Variants in AKAP1 observed in about 807,000 individuals in gnomAD.
The protein encoded by AKAP1 is A-kinase anchor protein 1, mitochondrial.
AKAP1 carries 32 observed loss-of-function variants against 79.8 expected under a neutral mutation model. The ratio of observed to expected loss-of-function variants is 0.40; its 90% CI spans 0.30 to 0.54. The LOEUF (loss-of-function observed/expected upper bound fraction) is 0.54. Among genes scored for constraint, AKAP1 ranks in the 20% least tolerant of loss-of-function variants. AKAP1 has a pLI of 0.47. For synonymous variants in AKAP1, 416 were observed against 466.7 expected (o/e 0.89, Z 1.40); for missense variants, 961 against 1,138.9 (o/e 0.84, Z 2.25).
rs905564846 is a variant in AKAP1, at chr17:57,111,830, G to T, written c.1881G>T (p.Gly627=). The T allele has an allele frequency of 6.2e-7, 1 of 1,613,944 alleles. No homozygotes were observed. The highest frequency in any genetic ancestry group is 1.3e-5 in the African/African-American group (1 of 74,894). Residue 627 remains glycine (G), a synonymous_variant, in exon 4 of 11, where the codon GGG becomes GGT. Transcript: ENST00000337714. ...HLVGRLIGKQ[G]RYVSFLKQTS... The stretch of plus-strand genomic sequence containing the variant: ...TCGGTCGGCTAATTGGCAAGCAGGG[G>T]CGCTATGTGAGTTTTCTGAAGCAAA...
At chr17:57,097,644 A>G (rs1334374899) in intron 1 of AKAP1, among the ~76,000 whole-genome samples, 1 of 152,216 alleles carries the variant, frequency 6.6e-6, no homozygotes, top group East Asian at 1.9e-4. Flanking sequence ...CAAGGGGAAG[A>G]GTCCCTCAGC....
At chr17:57,107,689 T>C (rs139861187) in intron 2 of AKAP1, among the ~76,000 whole-genome samples, 96 of 152,208 alleles carry the variant, frequency 6.3e-4, no homozygotes, top group African/African-American at 2.1e-3. Flanking sequence ...CGTGTGTGTG[T>C]GTGTTTTAAT....
At position 57,112,844 on chromosome 17, in the gene AKAP1, A is replaced by G. The variant is rs9890807; in HGVS notation, c.2103+226A>G. On this transcript the variant is annotated intron_variant, in intron 5 of 10. Coordinates refer to ENST00000337714, the MANE Select transcript of AKAP1 (RefSeq NM_003488.4). Reference sequence around the variant, plus strand: ...AAACCAGAGGCCTCTTGGTCCCCACATGGGAGGACTACTTTTCCTGGCTCT... The same window carrying G: ...AAACCAGAGGCCTCTTGGTCCCCACGTGGGAGGACTACTTTTCCTGGCTCT... 0.023 allele frequency among the ~76,000 whole-genome samples: 3,265 copies of G among 144,936 alleles called. 129 individuals are homozygous for G. The highest frequency in any genetic ancestry group is 0.078 in the African/African-American group (3,034 of 38,860).
intron 1 of AKAP1, chr17:57,092,333 A>G (rs1913833662): frequency 6.6e-6 from 1 of 152,268 alleles, no homozygotes; most frequent in South Asian, 2.1e-4. Context: ...TTCAAGCCTT[A>G]TAAGGCCCTC....
chr17:57,121,087 A>G lies in AKAP1; in HGVS notation c.*763A>G, dbSNP rs1340247508. On this transcript the variant is annotated 3_prime_UTR_variant, in exon 11 of 11. Coordinates refer to ENST00000337714, the MANE Select transcript of AKAP1 (RefSeq NM_003488.4). ...CCAGCCACATGTCACCTGTAGGTAG[A>G]AGTAAACTCTGCAGTGCAGCTTCTG... 1 of 152,554 alleles carries G rather than the reference A, an allele frequency of 6.6e-6. No individual in the cohort carries two copies. The highest frequency in any genetic ancestry group is 2.4e-5 in the African/African-American group (1 of 41,466). The allele number at this position is 152,554 out of a possible 1,614,324, so 9.5% of individuals were successfully genotyped here.
intron 1 of AKAP1, chr17:57,095,437 G>C (rs937785877): frequency 4.0e-5 from 6 of 150,532 alleles, no homozygotes; most frequent in Admixed American, 4.0e-4. Context: ...GATTGTAGGC[G>C]TGAGCTACCG....
At chr17:57,116,372 C>T (rs1597991754) in intron 7 of AKAP1, 111 bp downstream of exon 7, 2 of 1,367,396 alleles carry the variant, frequency 1.5e-6, no homozygotes, top group Non-Finnish European at 2.0e-6. Flanking sequence ...CTTCTTCCCT[C>T]CTGCTGCCTA....
chr17:57,108,020 C>T (rs970418998), intron 2 of AKAP1: 4 of 1,279,260 alleles, frequency 3.1e-6, no homozygotes, highest in Admixed American at 2.4e-5. Flanking sequence ...CTGACCCCAG[C>T]GTAGACAGTT....
Position 57,114,644 on chromosome 17 carries a change from G to A in AKAP1, c.2281+8G>A. 2 of 1,611,884 alleles carry A rather than the reference G, an allele frequency of 1.2e-6. No individual in the cohort carries two copies. Among genetic ancestry groups the A allele is most frequent in the Non-Finnish European group, 1.7e-6 (2 of 1,178,850 alleles). On this transcript the variant is annotated splice_region_variant and intron_variant, in intron 6 of 10. Transcript: ENST00000337714. ...TGCCCACCCCAGTGGAAAGTAAGCA[G>A]TGCCCTGAGGGGTCGGGAAGGGGGA...
Position 57,105,659 on chromosome 17 carries a change from C to T in AKAP1, c.195C>T (p.Pro65=). Residue 65 remains proline (P), a synonymous_variant, in exon 2 of 11, where the codon CCC becomes CCT. Coordinates refer to ENST00000337714, the MANE Select transcript of AKAP1 (RefSeq NM_003488.4). Reference sequence around the variant, plus strand: ...CTCTCCCCGTGGAAGACGTCTGTCCCAAAGTAGTGTCCACACCCCCCAGTG... The same window carrying T: ...CTCTCCCCGTGGAAGACGTCTGTCCTAAAGTAGTGTCCACACCCCCCAGTG... ...KEPLPVEDVC[P]KVVSTPPSVT... 1 of 1,614,146 alleles carries T rather than the reference C, an allele frequency of 6.2e-7. No homozygotes were observed. The highest frequency in any genetic ancestry group is 8.5e-7 in the Non-Finnish European group (1 of 1,180,024).
rs975555064 is a variant in AKAP1 at position 57,119,151 on chromosome 17, C to A, written c.2637+107C>A. On this transcript the variant is annotated intron_variant, in intron 10 of 10. Coordinates refer to ENST00000337714, the MANE Select transcript of AKAP1 (RefSeq NM_003488.4). ...CTCTTGAGTTAATCAGAGGATATAA[C>A]TGTAGACAAGCACCTCCTAGGGAAC... 115 of 1,247,210 alleles carry A rather than the reference C, an allele frequency of 9.2e-5. No individual in the cohort carries two copies. In the African/African-American group the frequency reaches 1.5e-3, roughly 16 times the overall value. 77.3% of individuals were successfully genotyped at this position (1,247,210 alleles called of 1,614,324 possible).
rs754237144 is a variant in AKAP1 at position 57,112,627 on chromosome 17, G to T, written c.2103+9G>T. ...TGCCGATGACATCCTGGGTGAGCGT[G>T]CTACTGGGTGATCCGGACTTCTTGC... On this transcript the variant is annotated intron_variant, in intron 5 of 10. Coordinates refer to ENST00000337714, the MANE Select transcript of AKAP1 (RefSeq NM_003488.4). 3.1e-6 allele frequency: 5 copies of T among 1,599,984 alleles called. No individual in the cohort carries two copies. In the African/African-American group the frequency reaches 6.7e-5, roughly 22 times the overall value.
intron 1 of AKAP1, 77 bp from the exon 2 acceptor site, chr17:57,105,364 T>C (rs1360583782): frequency 1.4e-6 from 2 of 1,391,314 alleles, no homozygotes; most frequent in Non-Finnish European, 2.0e-6. Flanking sequence ...CTGTTGACTG[T>C]CTTGCATGTG....
intron 8 of AKAP1, 151 bp downstream of exon 8, chr17:57,117,078 C>A: frequency 1.2e-6 from 1 of 802,240 alleles, no homozygotes; most frequent in Non-Finnish European, 2.1e-6. Context: ...TGGGCTTAGG[C>A]CCAGGAACTT....
At chr17:57,097,800 A>G (rs1914214794) in intron 1 of AKAP1, among the ~76,000 whole-genome samples, 1 of 152,272 alleles carries the variant, frequency 6.6e-6, no homozygotes, top group Admixed American at 6.5e-5. Context: ...ATGTTCATTC[A>G]GAACGCAAAG....
Position 57,106,060 on chromosome 17 carries a change from C to T in AKAP1, c.596C>T (p.Thr199Ile), listed in dbSNP as rs778976633. Reference protein sequence around the residue: ...KRSSGERARETGGAEGTGDAV... With the variant: ...KRSSGERAREIGGAEGTGDAV... ...AGCTCTGGGGAGAGGGCAAGAGAGA[C>T]AGGTGGGGCCGAAGGGACTGGTGAT... Residue 199 changes from threonine (T) to isoleucine (I), a missense_variant, in exon 2 of 11, where the codon ACA (threonine) becomes ATA (isoleucine). Physicochemically the swap from Thr to Ile is moderately conservative, Grantham distance 89. Around this residue, in one of 3 missense-constraint regions of AKAP1, gnomAD observed 224 missense variants for 210.2 expected, o/e 1.07. Coordinates refer to ENST00000337714, the MANE Select transcript of AKAP1 (RefSeq NM_003488.4). 5.0e-6 allele frequency: 8 copies of T among 1,609,972 alleles called. No individual in the cohort carries two copies. The highest frequency in any genetic ancestry group is 6.8e-6 in the Non-Finnish European group (8 of 1,177,818).
intron 1 of AKAP1, among the ~76,000 whole-genome samples, chr17:57,089,334 C>T (rs557093767): frequency 6.6e-5 from 10 of 152,184 alleles, no homozygotes; most frequent in Non-Finnish European, 1.3e-4. Context: ...AGGTGTGCTA[C>T]TGTTCTAAAT....
rs530157517 is a variant in AKAP1, at chr17:57,104,681, G to A, written c.-24-760G>A. On this transcript the variant is annotated intron_variant, in intron 1 of 10. Coordinates refer to ENST00000337714, the MANE Select transcript of AKAP1 (RefSeq NM_003488.4). ...GACTGGGAGCTAGCATTGCGAGAGA[G>A]TAGCGCATCACCTATTGGTAGTCCA... Among the ~76,000 whole-genome samples, 36 of 152,366 alleles carry A rather than the reference G, an allele frequency of 2.4e-4. No individual in the cohort carries two copies. In the South Asian group the frequency reaches 7.2e-3, roughly 31 times the overall value.
At position 57,121,078 on chromosome 17, in the gene AKAP1, T is replaced by C. The variant is rs928220105; in HGVS notation, c.*754T>C. 3 of 152,588 alleles carry C rather than the reference T, an allele frequency of 2.0e-5. No individual in the cohort carries two copies. The South Asian group carries it at 6.2e-4, about 32-fold the overall frequency. 9.5% of individuals were successfully genotyped at this position (152,588 alleles called of 1,614,324 possible). On this transcript the variant is annotated 3_prime_UTR_variant, in exon 11 of 11. Transcript: ENST00000337714. ...AAGATTCTTCCAGCCACATGTCACC[T>C]GTAGGTAGAAGTAAACTCTGCAGTG...
Sources: gnomAD v4.1 joint callset for allele counts (sites outside exome capture counted in the v4.1 genomes callset) on GRCh38, gnomAD v4.1.1 for gene constraint, gnomAD v4.1.1 regional missense constraint, MANE v1.5 for transcripts, NCBI Gene and HGNC (gene_info 2026-07-23, HGNC 2026-07-21) for gene names.